The following ACOT12 variants were observed in gnomAD, a reference collection of about 807,000 sequenced individuals.
ACOT12 encodes acyl-CoA thioesterase 12.
A neutral mutation model predicts 67.7 loss-of-function variants in ACOT12; 51 were observed. The observed-to-expected ratio is 0.75, with a 90% CI of 0.60 to 0.95. The LOEUF is 0.95. ACOT12 is among the 40% of genes least tolerant of loss of function. The probability of loss-of-function intolerance (pLI) is 0.00; values close to 1 mark genes in which losing one functional copy is unlikely to be tolerated. For missense variants in ACOT12, 734 were observed against 708.1 expected, an observed-to-expected ratio of 1.04 and a Z score of -0.41; for synonymous variants, 251 against 244.6, an observed-to-expected ratio of 1.03 and a Z score of -0.24.
intron 1 of ACOT12, among the ~76,000 whole-genome samples, chr5:81,389,360 T>C (rs180930062): frequency 2.0e-5 from 3 of 152,304 alleles, no homozygotes; most frequent in Non-Finnish European, 4.4e-5. Flanking sequence ...TTCTTCAAGA[T>C]ATTGTTGCAC....
intron 3 of ACOT12, among the ~76,000 whole-genome samples, chr5:81,366,194 A>C (rs1760072220): frequency 6.6e-6 from 1 of 152,260 alleles, no homozygotes; most frequent in Non-Finnish European, 1.5e-5. Context: ...GTATCTTTAA[A>C]GGCTCAAACC....
At chr5:81,378,410 C>T (rs1034193611) in intron 2 of ACOT12, among the ~76,000 whole-genome samples, 2 of 152,148 alleles carry the variant, frequency 1.3e-5, no homozygotes, top group Non-Finnish European at 2.9e-5. Flanking sequence ...CAATACCATT[C>T]AGGACATAGG....
intron 13 of ACOT12, among the ~76,000 whole-genome samples, chr5:81,331,836 T>C (rs988399492): frequency 6.6e-6 from 1 of 152,254 alleles, no homozygotes; most frequent in African/African-American, 2.4e-5. Context: ...TGTTTCTCTA[T>C]CAGTCCCACT....
chr5:81,385,617 C>T, intron 2 of ACOT12, 140 bp downstream of exon 2: 3 of 711,720 alleles, frequency 4.2e-6, no homozygotes, highest in Non-Finnish European at 6.9e-6. Context: ...TTTTACTTAC[C>T]TAAATTGGGT....
intron 5 of ACOT12, among the ~76,000 whole-genome samples, chr5:81,351,197 C>A (rs1218900017): frequency 6.6e-6 from 1 of 152,232 alleles, no homozygotes; most frequent in Non-Finnish European, 1.5e-5. Flanking sequence ...TAATCCCTTT[C>A]AATTTCTCTC....
intron 2 of ACOT12, among the ~76,000 whole-genome samples, chr5:81,372,954 AAAAAATCCCTGTCATTAAT>A (rs1760299462): frequency 1.3e-5 from 2 of 152,208 alleles, no homozygotes; most frequent in Admixed American, 1.3e-4. Flanking sequence ...CATTAACAAT[AAAAAATCCCTGTCATTAAT>A]TAAATGAAAT....
At chr5:81,317,768 T>G in the ACOT12 span, among the ~76,000 whole-genome samples, 2 of 152,276 alleles carry the variant, frequency 1.3e-5, no homozygotes, top group East Asian at 3.9e-4. Context: ...AGGCCCCTCC[T>G]TCAACACTGG....
intron 5 of ACOT12, among the ~76,000 whole-genome samples, chr5:81,349,320 G>C (rs868756598): frequency 6.6e-6 from 1 of 151,992 alleles, no homozygotes; most frequent in Non-Finnish European, 1.5e-5. Flanking sequence ...CATTGTTCTC[G>C]TATAAAACCC....
At chr5:81,357,867 G>T (rs749167106) in intron 5 of ACOT12, among the ~76,000 whole-genome samples, 1 of 151,994 alleles carries the variant, frequency 6.6e-6, no homozygotes, top group Admixed American at 6.6e-5. Context: ...TTAGCTGGGC[G>T]TGGTGGCGCA....
the ACOT12 span, among the ~76,000 whole-genome samples, chr5:81,324,406 G>A: frequency 6.6e-6 from 1 of 152,174 alleles, no homozygotes; most frequent in Admixed American, 6.5e-5. Flanking sequence ...GCAGAATTTG[G>A]GTGGTCTGTT....
chr5:81,366,288 T>C (rs2153855471), intron 3 of ACOT12, among the ~76,000 whole-genome samples: 1 of 152,234 alleles, frequency 6.6e-6, no homozygotes, highest in African/African-American at 2.4e-5. Context: ...CACTAAACAA[T>C]ATAAAATTCA....
chr5:81,363,234 G>A (rs771287772), intron 4 of ACOT12, among the ~76,000 whole-genome samples: 9 of 152,000 alleles, frequency 5.9e-5, no homozygotes, highest in Admixed American at 2.0e-4. Context: ...GATCTGGATC[G>A]TGTCCAGGCA....
intron 3 of ACOT12, among the ~76,000 whole-genome samples, chr5:81,367,122 TA>T (rs1760104404): frequency 6.6e-6 from 1 of 152,140 alleles, no homozygotes; most frequent in South Asian, 2.1e-4. Context: ...GAGCATCTTT[TA>T]AATATGAAGA....
chr5:81,382,932 C>CA (rs1162257535), intron 2 of ACOT12, among the ~76,000 whole-genome samples: 1 of 151,870 alleles, frequency 6.6e-6, no homozygotes, highest in Non-Finnish European at 1.5e-5. Context: ...TCAGGATACT[C>CA]AGGTCATTAG....
chr5:81,380,250 G>A (rs753097100), intron 2 of ACOT12, among the ~76,000 whole-genome samples: 1 of 152,036 alleles, frequency 6.6e-6, no homozygotes, highest in African/African-American at 2.4e-5. Context: ...CTTTGACTCA[G>A]CAATCCTATT....
intron 3 of ACOT12, among the ~76,000 whole-genome samples, chr5:81,370,223 G>A (rs753944345): frequency 1.3e-5 from 2 of 152,088 alleles, no homozygotes; most frequent in South Asian, 2.1e-4. Context: ...GCCGTGAGCC[G>A]AGATCTTGCC....
the ACOT12 span, among the ~76,000 whole-genome samples, chr5:81,319,727 AAAAG>A: frequency 2.0e-5 from 3 of 151,932 alleles, no homozygotes; most frequent in Non-Finnish European, 2.9e-5. Context: ...AAAAAAAAAA[AAAAG>A]AAACCCATAC....
At chr5:81,324,729 G>A in the ACOT12 span, among the ~76,000 whole-genome samples, 15 of 152,212 alleles carry the variant, frequency 9.9e-5, no homozygotes, top group African/African-American at 3.4e-4. Flanking sequence ...TGACATCATG[G>A]AAGTCAAGAA....
At chr5:81,375,309 C>T (rs999387435) in intron 2 of ACOT12, among the ~76,000 whole-genome samples, 1 of 152,092 alleles carries the variant, frequency 6.6e-6, no homozygotes. Context: ...ACTGTCACCC[C>T]CAGGGCTGCC....
Sources: gnomAD v4.1 joint callset for allele counts (sites outside exome capture counted in the v4.1 genomes callset) on GRCh38, gnomAD v4.1.1 for gene constraint, MANE v1.5 for transcripts, NCBI Gene and HGNC (gene_info 2026-07-23, HGNC 2026-07-21) for gene names.